PPARGC1A: variants seen among roughly 807,000 people sequenced by gnomAD.
PPARGC1A encodes PPARG coactivator 1 alpha.
PPARGC1A carries 25 observed loss-of-function variants against 88.7 expected under a neutral mutation model. The ratio of observed to expected loss-of-function variants is 0.28; its 90% confidence interval spans 0.21 to 0.39. PPARGC1A has a LOEUF of 0.39. Ranked by LOEUF, PPARGC1A falls within the 10% of genes least tolerant of loss-of-function variation. PPARGC1A has a pLI of 1.00. For synonymous variants in PPARGC1A, 363 were observed against 355.6 expected (o/e 1.02, Z -0.24); for missense variants, 880 against 968.7 (o/e 0.91, Z 1.22).
chr4:24,146,348 C>A, the PPARGC1A span, among the ~76,000 whole-genome samples: 2 of 152,220 alleles, frequency 1.3e-5, no homozygotes, highest in African/African-American at 4.8e-5. Context: ...GCTAGCAGCA[C>A]TGGCATGCAC....
the PPARGC1A span, among the ~76,000 whole-genome samples, chr4:23,941,684 C>A: frequency 6.6e-6 from 1 of 152,128 alleles, no homozygotes; most frequent in African/African-American, 2.4e-5. Flanking sequence ...ATCGTTCTAG[C>A]TCTACAGGGG....
chr4:24,046,325 C>A, the PPARGC1A span, among the ~76,000 whole-genome samples: 3 of 152,102 alleles, frequency 2.0e-5, no homozygotes, highest in African/African-American at 7.2e-5. Flanking sequence ...AGTTGTTGAA[C>A]CTTCTCTGTT....
chr4:24,239,736 C>T, the PPARGC1A span, among the ~76,000 whole-genome samples: 3 of 152,070 alleles, frequency 2.0e-5, no homozygotes, highest in African/African-American at 7.2e-5. Flanking sequence ...GAAAAATAAA[C>T]CACTTTTCTT....
the PPARGC1A span, among the ~76,000 whole-genome samples, chr4:24,175,538 C>CTT: frequency 0.061 from 5,214 of 84,838 alleles, 382 homozygotes; most frequent in African/African-American, 0.12. Context: ...CCACACCAAG[C>CTT]TTTTTTTTTT....
chr4:23,950,014 C>T, the PPARGC1A span, among the ~76,000 whole-genome samples: 1 of 152,126 alleles, frequency 6.6e-6, no homozygotes, highest in Non-Finnish European at 1.5e-5. Context: ...GTGCTCTCCT[C>T]TGAAATGGAT....
intron 10 of PPARGC1A, among the ~76,000 whole-genome samples, chr4:23,807,512 T>A (rs1720028907): frequency 6.6e-6 from 1 of 152,184 alleles, no homozygotes; most frequent in Admixed American, 6.5e-5. Context: ...GTAAACATAC[T>A]GGTAAGTCAG....
chr4:23,994,198 C>T, the PPARGC1A span, among the ~76,000 whole-genome samples: 1 of 152,130 alleles, frequency 6.6e-6, no homozygotes, highest in African/African-American at 2.4e-5. Flanking sequence ...ACAAGCCCAT[C>T]CTGCCCTGTC....
the PPARGC1A span, among the ~76,000 whole-genome samples, chr4:24,377,298 A>G: frequency 6.6e-6 from 1 of 152,060 alleles, no homozygotes; most frequent in Non-Finnish European, 1.5e-5. Flanking sequence ...GCAGCGGGGT[A>G]GGGGATCAGG....
At chr4:24,091,309 T>C in the PPARGC1A span, among the ~76,000 whole-genome samples, 12 of 152,220 alleles carry the variant, frequency 7.9e-5, no homozygotes, top group Non-Finnish European at 1.8e-4. Flanking sequence ...CTTACTTGCA[T>C]GGTTTGCAAA....
chr4:24,251,876 C>T, the PPARGC1A span, among the ~76,000 whole-genome samples: 1 of 152,112 alleles, frequency 6.6e-6, no homozygotes, highest in Non-Finnish European at 1.5e-5. Flanking sequence ...CTCTCGGCTC[C>T]CTTGGTGTGT....
the PPARGC1A span, among the ~76,000 whole-genome samples, chr4:24,036,573 C>A: frequency 6.7e-6 from 1 of 149,652 alleles, no homozygotes; most frequent in Non-Finnish European, 1.5e-5. Context: ...TAGTGAATCA[C>A]AAATATATGT....
chr4:24,029,985 G>A, the PPARGC1A span, among the ~76,000 whole-genome samples: 3 of 152,110 alleles, frequency 2.0e-5, no homozygotes, highest in Non-Finnish European at 4.4e-5. Flanking sequence ...TCATATTTGG[G>A]AGAGACTTCC....
chr4:23,833,253 C>A (rs4619879), intron 2 of PPARGC1A, among the ~76,000 whole-genome samples: 91,985 of 152,034 alleles, frequency 0.61, 28,012 homozygotes, highest in Admixed American at 0.67. Flanking sequence ...ACGTGGACAA[C>A]CAGTACCAAC....
chr4:24,397,184 C>T, the PPARGC1A span, among the ~76,000 whole-genome samples: 1 of 152,128 alleles, frequency 6.6e-6, no homozygotes, highest in South Asian at 2.1e-4. Context: ...AAATATGACG[C>T]AATCTTAAAT....
At chr4:23,827,348 T>C (rs1308582358) in intron 5 of PPARGC1A, among the ~76,000 whole-genome samples, 1 of 151,820 alleles carries the variant, frequency 6.6e-6, no homozygotes, top group South Asian at 2.1e-4. Context: ...ACAGCATACC[T>C]ACACGAATTA....
At chr4:24,146,396 G>C in the PPARGC1A span, among the ~76,000 whole-genome samples, 145 of 152,286 alleles carry the variant, frequency 9.5e-4, no homozygotes, top group Non-Finnish European at 1.9e-3. Flanking sequence ...TGAAGGACTC[G>C]GTAAAGTGAG....
chr4:23,874,835 T>C (rs1454377971), intron 2 of PPARGC1A, among the ~76,000 whole-genome samples: 1 of 152,198 alleles, frequency 6.6e-6, no homozygotes, highest in Non-Finnish European at 1.5e-5. Context: ...CCTTTCTTTC[T>C]CTTAGCAAGC....
the PPARGC1A span, among the ~76,000 whole-genome samples, chr4:24,116,082 T>G: frequency 6.6e-6 from 1 of 152,190 alleles, no homozygotes; most frequent in Admixed American, 6.5e-5. Context: ...TAGAGCACAC[T>G]TGTGCATTTA....
At chr4:24,412,964 G>C in the PPARGC1A span, among the ~76,000 whole-genome samples, 1 of 152,168 alleles carries the variant, frequency 6.6e-6, no homozygotes, top group South Asian at 2.1e-4. Context: ...AATCAGACCC[G>C]ATTAGAAGCA....
Sources: gnomAD v4.1 joint callset for allele counts (sites outside exome capture counted in the v4.1 genomes callset) on GRCh38, gnomAD v4.1.1 for gene constraint, MANE v1.5 for transcripts, NCBI Gene and HGNC (gene_info 2026-07-23, HGNC 2026-07-21) for gene names.